The following GPHN variants were observed in gnomAD, a reference collection of about 807,000 sequenced individuals.
GPHN encodes the protein gephyrin.
Under a neutral mutation model 95.5 loss-of-function variants are expected in GPHN, and 17 were observed. The ratio of observed to expected loss-of-function variants is 0.18; its 90% CI spans 0.12 to 0.27. The LOEUF (loss-of-function observed/expected upper bound fraction) is 0.27. Ranked by LOEUF, GPHN falls within the 10% of genes least tolerant of loss-of-function variation. The pLI is 1.00. For synonymous variants in GPHN, 320 were observed against 322.5 expected (o/e 0.99, Z 0.08); for missense variants, 660 against 978.1 (o/e 0.67, Z 4.34).
chr14:67,381,708 T>G, the GPHN span: 3 of 1,571,674 alleles, frequency 1.9e-6, no homozygotes, highest in South Asian at 3.4e-5. Flanking sequence ...ATGAGTTGTC[T>G]CCCTCCCTGC....
intron 1 of GPHN, among the ~76,000 whole-genome samples, chr14:66,519,125 T>C (rs1284844688): frequency 6.6e-6 from 1 of 152,028 alleles, no homozygotes; most frequent in Non-Finnish European, 1.5e-5. Flanking sequence ...ATGTAAAATA[T>C]AAAAGAAAAT....
intron 2 of GPHN, among the ~76,000 whole-genome samples, chr14:66,700,133 G>A (rs1215696138): frequency 6.6e-6 from 1 of 152,068 alleles, no homozygotes; most frequent in African/African-American, 2.4e-5. Flanking sequence ...TGAGGTTATA[G>A]TGTTAAATGT....
the GPHN span, among the ~76,000 whole-genome samples, chr14:67,441,458 A>T: frequency 6.6e-6 from 1 of 152,158 alleles, no homozygotes; most frequent in Non-Finnish European, 1.5e-5. Context: ...TACAAAGGGG[A>T]ACTCCAAGAA....
At chr14:66,559,029 T>C (rs1336275882) in intron 1 of GPHN, among the ~76,000 whole-genome samples, 3 of 152,108 alleles carry the variant, frequency 2.0e-5, no homozygotes, top group African/African-American at 4.8e-5. Context: ...AGAATGATGA[T>C]TTCCAATTTC....
intron 2 of GPHN, among the ~76,000 whole-genome samples, chr14:66,701,968 G>C (rs371858523): frequency 6.6e-6 from 1 of 152,152 alleles, no homozygotes; most frequent in Admixed American, 6.5e-5. Flanking sequence ...AGCCAGGGAG[G>C]CTGGACAGCT....
intron 5 of GPHN, among the ~76,000 whole-genome samples, chr14:66,897,415 A>G (rs2064907524): frequency 6.6e-6 from 1 of 152,090 alleles, no homozygotes; most frequent in Admixed American, 6.6e-5. Flanking sequence ...GAAATTTCAT[A>G]CTGCTCTCCA....
chr14:66,969,966 T>G (rs1273285015), intron 9 of GPHN: 1 of 152,090 alleles, frequency 6.6e-6, no homozygotes, highest in Non-Finnish European at 1.5e-5. Flanking sequence ...TATTATCGTT[T>G]TATTCCCTAA....
At chr14:67,323,032 T>G in the GPHN span, among the ~76,000 whole-genome samples, 70 of 152,298 alleles carry the variant, frequency 4.6e-4, no homozygotes, top group East Asian at 0.013. Flanking sequence ...ATGATTCTAA[T>G]TGCTCCAAAA....
the GPHN span, among the ~76,000 whole-genome samples, chr14:67,235,482 G>C: frequency 6.6e-6 from 1 of 152,114 alleles, no homozygotes; most frequent in South Asian, 2.1e-4. Context: ...TTGGGAGGCC[G>C]AGGCGGGCGG....
chr14:67,695,753 C>T, the GPHN span: 1 of 1,557,440 alleles, frequency 6.4e-7, no homozygotes, highest in African/African-American at 1.4e-5. Flanking sequence ...CGTTGCTCGC[C>T]GACTATGGCT....
At chr14:66,829,113 A>T (rs2061489638) in intron 4 of GPHN, among the ~76,000 whole-genome samples, 1 of 130,282 alleles carries the variant, frequency 7.7e-6, no homozygotes, top group Non-Finnish European at 1.6e-5. Context: ...TTTGAGACAG[A>T]GTCTCACTCT....
At chr14:67,556,346 G>A in the GPHN span, among the ~76,000 whole-genome samples, 84 of 152,244 alleles carry the variant, frequency 5.5e-4, no homozygotes, top group Non-Finnish European at 5.7e-4. Flanking sequence ...ATGTTGCCCA[G>A]GCTGGTCTCA....
chr14:67,391,214 G>GA, the GPHN span, among the ~76,000 whole-genome samples: 2 of 151,424 alleles, frequency 1.3e-5, no homozygotes, highest in Non-Finnish European at 2.9e-5. Flanking sequence ...TGTGCATTAG[G>GA]AAAAAAGCAA....
At chr14:67,252,272 C>T in the GPHN span, among the ~76,000 whole-genome samples, 3 of 152,122 alleles carry the variant, frequency 2.0e-5, no homozygotes, top group Non-Finnish European at 4.4e-5. Context: ...TCACTGCAGC[C>T]TTCAACTCCT....
chr14:66,542,070 T>C (rs1259153347), intron 1 of GPHN, among the ~76,000 whole-genome samples: 1 of 152,180 alleles, frequency 6.6e-6, no homozygotes, highest in Non-Finnish European at 1.5e-5. Flanking sequence ...TCAACTTCCT[T>C]GCATATACCC....
intron 20 of GPHN, among the ~76,000 whole-genome samples, chr14:67,166,248 T>C (rs572588791): frequency 6.6e-6 from 1 of 152,356 alleles, no homozygotes; most frequent in South Asian, 2.1e-4. Context: ...AAAATAGTCC[T>C]CAGAATGTAT....
At chr14:67,237,486 C>CT in the GPHN span, among the ~76,000 whole-genome samples, 3,604 of 147,498 alleles carry the variant, frequency 0.024, 48 homozygotes, top group African/African-American at 0.04. Flanking sequence ...TCCTCCAAAA[C>CT]TTTTTTTTTT....
chr14:66,854,936 C>T (rs1265176272), intron 4 of GPHN, among the ~76,000 whole-genome samples: 1 of 151,782 alleles, frequency 6.6e-6, no homozygotes, highest in African/African-American at 2.4e-5. Context: ...CAACTTCTGC[C>T]CCCCGGATTC....
At chr14:67,049,394 A>AT (rs1197812852) in intron 10 of GPHN, among the ~76,000 whole-genome samples, 2 of 149,088 alleles carry the variant, frequency 1.3e-5, no homozygotes, top group South Asian at 2.1e-4. Flanking sequence ...CACCCGGCTA[A>AT]TTTTTTTGTA....
Sources: allele counts gnomAD v4.1 joint callset (sites outside exome capture counted in the v4.1 genomes callset), GRCh38; gene constraint gnomAD v4.1.1; transcripts MANE v1.5; gene names NCBI Gene and HGNC (gene_info 2026-07-23, HGNC 2026-07-21).